Variants in ATP4A observed in about 807,000 individuals in gnomAD.
ATP4A encodes the protein ATPase H+/K+ transporting subunit alpha.
In ATP4A, 73 loss-of-function variants were observed where a neutral mutation model predicts 112.1. That is an observed-to-expected ratio of 0.65 (90% confidence interval 0.54 to 0.79). The LOEUF is 0.79. Among genes scored for constraint, ATP4A ranks in the 30% least tolerant of loss-of-function variants. The pLI, the probability that ATP4A is intolerant of heterozygous loss-of-function variation, is 0.00. For synonymous variants in ATP4A, 588 were observed against 588.9 expected, an observed-to-expected ratio of 1.00 and a Z score of 0.02; for missense variants, 1,081 against 1,425.9, an observed-to-expected ratio of 0.76 and a Z score of 3.90.
At position 35,560,378 on chromosome 19, in the gene ATP4A, T is replaced by C; in HGVS notation, c.772A>G (p.Thr258Ala). 1 of 1,613,732 alleles carries C rather than the reference T, an allele frequency of 6.2e-7. No individual in the cohort carries two copies. The change falls in exon 6 of 22, where the codon ACC (threonine) becomes GCC (alanine). Residue 258 changes from threonine (T) to alanine (A), a missense_variant. Thr to Ala is a moderately conservative substitution (Grantham distance 58, BLOSUM62 0). This residue lies in a region of ATP4A where 850 missense variants were observed against 1,068.2 expected (regional missense o/e 0.80). Transcript: ENST00000262623. The surrounding 1 kb of genome is among the most constrained non-coding windows in gnomAD (Gnocchi z 5.1). ...CTTCACAGACCCTCAAGGCACATGG[T>C]GGAGAAGAAGGCGATGTTGCGGGTC... ...LETRNIAFFS[T>A]MCLEGTVQGL...
At position 35,557,695 on chromosome 19, in the gene ATP4A, G is replaced by A; in HGVS notation, c.1653C>T (p.Thr551=). Residue 551 remains threonine, a synonymous_variant, in exon 11 of 22, where the codon ACC becomes ACT. Transcript: ENST00000262623. This position sits in a 1 kb window ranked among gnomAD's most constrained non-coding sequence, Gnocchi z 4.4. ...CCAGGCCTCCCAGGCTGAGGTAGGC[G>A]GTCTGGAAGGCCTCGCGCCACTGCT... ...LDEQWREAFQ[T]AYLSLGGLGE... 1 of 1,609,126 alleles carries A rather than the reference G, an allele frequency of 6.2e-7. No homozygotes were observed. Among genetic ancestry groups the A allele is most frequent in the Non-Finnish European group, 8.5e-7 (1 of 1,178,372 alleles).
Position 35,557,581 on chromosome 19 carries a change from C to T in ATP4A, c.1693+74G>A. On this transcript the variant is annotated intron_variant, in intron 11 of 21. Coordinates refer to ENST00000262623, the MANE Select transcript of ATP4A (RefSeq NM_000704.3). The surrounding 1 kb of genome is among the most constrained non-coding windows in gnomAD (Gnocchi z 4.4). ...AGGGATGAGGACGGTCAGGGCTGGG[C>T]CGGGAGTGGTGGGCAGGGTCTGTGC... The T allele has an allele frequency of 6.7e-7, 1 of 1,486,500 alleles. No individual in the cohort carries two copies. Among genetic ancestry groups the T allele is most frequent in the South Asian group, 1.3e-5 (1 of 77,604 alleles). The allele number at this position is 1,486,500 out of a possible 1,614,324, so 92.1% of individuals were successfully genotyped here.
chr19:35,559,999 C>A lies in ATP4A; in HGVS notation c.862G>T (p.Val288Leu), dbSNP rs780410935. 3.1e-6 allele frequency: 5 copies of A among 1,614,244 alleles called. No individual in the cohort carries two copies. Among genetic ancestry groups the A allele is most frequent in the Non-Finnish European group, 4.2e-6 (5 of 1,180,044 alleles). ...GCGATGGGTGTCTTCTCGTTTTCCA[C>A]CCCCGACGCCAGCGATGCGATGCGC... ...IGRIASLASG[V>L]ENEKTPIAIE... Residue 288 changes from valine to leucine, a missense_variant, in exon 7 of 22, where the codon GTG (valine) becomes TTG (leucine). Val to Leu is a conservative substitution (Grantham distance 32, BLOSUM62 1). Coordinates refer to ENST00000262623, the MANE Select transcript of ATP4A (RefSeq NM_000704.3). The surrounding 1 kb of genome is among the most constrained non-coding windows in gnomAD (Gnocchi z 4.1).
chr19:35,561,029 TC>T, intron 4 of ATP4A, 97 bp from the exon 5 acceptor site: 1 of 1,019,246 alleles, frequency 9.8e-7, no homozygotes, highest in Non-Finnish European at 1.5e-6. Flanking sequence ...TTCTTGGTTT[TC>T]CCCATGCTTT....
rs2071603084 is a variant in ATP4A at position 35,551,675 on chromosome 19, G to A, written c.2752-95C>T. 6 of 1,486,618 alleles carry A rather than the reference G, an allele frequency of 4.0e-6. No homozygotes were observed. Among genetic ancestry groups the A allele is most frequent in the African/African-American group, 1.4e-5 (1 of 71,934 alleles). 92.1% of individuals were successfully genotyped at this position (1,486,618 alleles called of 1,614,324 possible). A position where few individuals can be genotyped will look rare whatever the true frequency, so the allele number is the denominator to read the frequency against. ...ACCGGGCATAGGGTCCCAGGGCCGT[G>A]AACCCCTAAATGCTCTCTCTGCCTT... On this transcript the variant is annotated intron_variant, in intron 18 of 21. Coordinates refer to ENST00000262623, the MANE Select transcript of ATP4A (RefSeq NM_000704.3). This position sits in a 1 kb window ranked among gnomAD's most constrained non-coding sequence, Gnocchi z 5.2.
Position 35,551,975 on chromosome 19 carries a change from G to A in ATP4A, c.2752-395C>T, listed in dbSNP as rs909604827. Among the ~76,000 whole-genome samples the A allele has an allele frequency of 3.3e-5, 5 of 152,154 alleles. No homozygotes were observed. The highest frequency in any genetic ancestry group is 6.5e-5 in the Admixed American group (1 of 15,276). ...GGCAAAAATAGGTGAGGCAGTCACC[G>A]CGGGCCTTTGGGAAAAGAGGGCAGA... On this transcript the variant is annotated intron_variant, in intron 18 of 21. Coordinates refer to ENST00000262623, the MANE Select transcript of ATP4A (RefSeq NM_000704.3). This position sits in a 1 kb window ranked among gnomAD's most constrained non-coding sequence, Gnocchi z 5.2.
chr19:35,562,586 G>T lies in ATP4A; in HGVS notation c.269C>A (p.Ala90Glu). Residue 90 changes from alanine to glutamate, a missense_variant, in exon 4 of 22, where the codon GCA becomes GAA. Ala to Glu is a moderately radical substitution (Grantham distance 107). Coordinates refer to ENST00000262623, the MANE Select transcript of ATP4A (RefSeq NM_000704.3). The part of the protein sequence containing the change: ...AELLLRDGPN[A>E]LRPPRGTPEY... ...TGGGGTGCCCCGTGGTGGCCGCAGT[G>T]CGTTGGGCCCATCCCGCAGCAGCAG... is the stretch of plus-strand genomic sequence containing the variant. 1.2e-6 allele frequency: 2 copies of T among 1,611,240 alleles called. No homozygotes were observed. The highest frequency in any genetic ancestry group is 8.5e-7 in the Non-Finnish European group (1 of 1,179,054).
At chr19:35,561,887 G>A (rs998209488) in intron 4 of ATP4A, among the ~76,000 whole-genome samples, 1 of 126,230 alleles carries the variant, frequency 7.9e-6, no homozygotes, top group Non-Finnish European at 1.6e-5. Flanking sequence ...ATGCAGTCTC[G>A]CTCTGTCGCC....
Position 35,555,745 on chromosome 19 carries a change from G to A in ATP4A, c.1937C>T (p.Ser646Leu), listed in dbSNP as rs150371575. 1.5e-5 allele frequency: 24 copies of A among 1,613,556 alleles called. No individual in the cohort carries two copies. In the African/African-American group the frequency reaches 2.0e-4, roughly 13 times the overall value. The change falls in exon 13 of 22, where the codon TCG (serine) becomes TTG (leucine). Residue 646 changes from serine to leucine, a missense_variant. Physicochemically the swap from Ser to Leu is moderately radical, Grantham distance 145. Around this residue, in one of 3 missense-constraint regions of ATP4A, gnomAD observed 850 missense variants for 1,068.2 expected, o/e 0.80. Coordinates refer to ENST00000262623, the MANE Select transcript of ATP4A (RefSeq NM_000704.3). The surrounding 1 kb of genome is among the most constrained non-coding windows in gnomAD (Gnocchi z 6.6). Reference protein sequence around the residue: ...KAIAASVGIISEGSETVEDIA... With the variant: ...KAIAASVGIILEGSETVEDIA... The stretch of plus-strand genomic sequence containing the variant: ...GTCCTCCACTGTCTCGCTGCCTTCC[G>A]AGATGATGCCCACACTGGCTGCAAT...
In ATP4A at chr19:35,557,552, A is replaced by C; in HGVS notation, c.1693+103T>G. The C allele has an allele frequency of 7.3e-7, 1 of 1,362,398 alleles. No individual in the cohort carries two copies. Among genetic ancestry groups the C allele is most frequent in the Non-Finnish European group, 9.9e-7 (1 of 1,009,222 alleles). The allele number at this position is 1,362,398 out of a possible 1,614,324, so 84.4% of individuals were successfully genotyped here. A position where few individuals can be genotyped will look rare whatever the true frequency, so the allele number is the denominator to read the frequency against. ...TGTGGACTGCGACAAATCAGCCAGC[A>C]GCCAGGGATGAGGACGGTCAGGGCT... On this transcript the variant is annotated intron_variant, in intron 11 of 21. Coordinates refer to ENST00000262623, the MANE Select transcript of ATP4A (RefSeq NM_000704.3). The surrounding 1 kb of genome is among the most constrained non-coding windows in gnomAD (Gnocchi z 4.4).
intron 4 of ATP4A, among the ~76,000 whole-genome samples, chr19:35,561,576 T>C (rs2071670935): frequency 6.6e-6 from 1 of 152,040 alleles, no homozygotes; most frequent in African/African-American, 2.4e-5. Context: ...GCCATGACTT[T>C]TCGAGCCTCT....
chr19:35,558,905 C>T lies in ATP4A; in HGVS notation c.1255+88G>A. The stretch of plus-strand genomic sequence containing the variant: ...GGAGCCGAGCCGCCCCGCCTTCGTA[C>T]AAAGCCCTCCCTACCTCCCTATCCC... On this transcript the variant is annotated intron_variant, in intron 8 of 21. Coordinates refer to ENST00000262623, the MANE Select transcript of ATP4A (RefSeq NM_000704.3). This position sits in a 1 kb window ranked among gnomAD's most constrained non-coding sequence, Gnocchi z 5.1. The T allele has an allele frequency of 1.3e-6, 2 of 1,528,176 alleles. No individual in the cohort carries two copies. Among genetic ancestry groups the T allele is most frequent in the Non-Finnish European group, 1.8e-6 (2 of 1,115,180 alleles). 94.7% of individuals were successfully genotyped at this position (1,528,176 alleles called of 1,614,324 possible).
chr19:35,555,048 C>T lies in ATP4A; in HGVS notation c.2355G>A (p.Lys785=). 5 of 1,613,862 alleles carry T rather than the reference C, an allele frequency of 3.1e-6. No individual in the cohort carries two copies. The highest frequency in any genetic ancestry group is 4.2e-6 in the Non-Finnish European group (5 of 1,179,838). ...QGRLIFDNLK[K]SIAYTLTKNI... is the part of the protein sequence containing the mutation. ...TCTTGGTCAATGTGTAGGCAATAGACTTCTTCAGGTTGTCGAAGATCAGTC... is the reference window on the plus strand; with the variant it reads ...TCTTGGTCAATGTGTAGGCAATAGATTTCTTCAGGTTGTCGAAGATCAGTC... The change falls in exon 16 of 22, where the codon AAG becomes AAA. Residue 785 remains lysine, a synonymous_variant. Coordinates refer to ENST00000262623, the MANE Select transcript of ATP4A (RefSeq NM_000704.3). This position sits in a 1 kb window ranked among gnomAD's most constrained non-coding sequence, Gnocchi z 6.6.
Position 35,555,789 on chromosome 19 carries a change from G to A in ATP4A, c.1893C>T (p.His631=). 1 of 1,613,102 alleles carries A rather than the reference G, an allele frequency of 6.2e-7. No individual in the cohort carries two copies. Among genetic ancestry groups the A allele is most frequent in the Non-Finnish European group, 8.5e-7 (1 of 1,179,268 alleles). The change falls in exon 13 of 22, where the codon CAC becomes CAT. Residue 631 remains histidine, a synonymous_variant. Coordinates refer to ENST00000262623, the MANE Select transcript of ATP4A (RefSeq NM_000704.3). The surrounding 1 kb of genome is among the most constrained non-coding windows in gnomAD (Gnocchi z 6.6). Reference sequence around the variant, plus strand: ...CTGCAATGGCCTTGGCGGTGATGGGGTGGTCACCCGTTACCATGATCACCT... The same window carrying A: ...CTGCAATGGCCTTGGCGGTGATGGGATGGTCACCCGTTACCATGATCACCT... ...GIRVIMVTGD[H]PITAKAIAAS...
rs530223376 is a variant in ATP4A at position 35,560,335 on chromosome 19, T to G, written c.787+28A>C. ...AGAGGCCAGTGGAGGCAGCAGTTAC[T>G]GGGCAGGCAGGCGGGGGCTTCACAG... On this transcript the variant is annotated intron_variant, in intron 6 of 21. Transcript: ENST00000262623. The surrounding 1 kb of genome is among the most constrained non-coding windows in gnomAD (Gnocchi z 5.1). The G allele has an allele frequency of 1.2e-6, 2 of 1,610,276 alleles. No homozygotes were observed. Among genetic ancestry groups the G allele is most frequent in the African/African-American group, 1.3e-5 (1 of 74,936 alleles).
Position 35,558,723 on chromosome 19 carries a change from G to A in ATP4A, c.1256-37C>T. 6.5e-7 allele frequency: 1 copy of A among 1,542,934 alleles called. No homozygotes were observed. The highest frequency in any genetic ancestry group is 8.7e-7 in the Non-Finnish European group (1 of 1,145,272). On this transcript the variant is annotated intron_variant, in intron 8 of 21. Transcript: ENST00000262623. This position sits in a 1 kb window ranked among gnomAD's most constrained non-coding sequence, Gnocchi z 5.1. The stretch of plus-strand genomic sequence containing the variant: ...GCGTCCAGGCTGGGTCCCGCACGGC[G>A]GCTCTCCCGGACCAGAACCGAGCCC...
At position 35,559,284 on chromosome 19, in the gene ATP4A, C is replaced by T; in HGVS notation, c.1057-93G>A. On this transcript the variant is annotated intron_variant, in intron 7 of 21. Transcript: ENST00000262623. This position sits in a 1 kb window ranked among gnomAD's most constrained non-coding sequence, Gnocchi z 4.1. Reference sequence around the variant, plus strand: ...AGAACGGGGAAGGCTTTACCCCAGCCGCGGGGCTGCGTGTGCAACGTGCTT... The same window carrying T: ...AGAACGGGGAAGGCTTTACCCCAGCTGCGGGGCTGCGTGTGCAACGTGCTT... The T allele has an allele frequency of 7.4e-7, 1 of 1,352,186 alleles. No homozygotes were observed. Among genetic ancestry groups the T allele is most frequent in the Non-Finnish European group, 1.0e-6 (1 of 966,958 alleles). The allele number at this position is 1,352,186 out of a possible 1,614,324, so 83.8% of individuals were successfully genotyped here.
In ATP4A at chr19:35,560,663, G is replaced by A. The variant is rs1312156199; in HGVS notation, c.535-48C>T. The A allele has an allele frequency of 2.3e-6, 2 of 883,956 alleles. No individual in the cohort carries two copies. Among genetic ancestry groups the A allele is most frequent in the South Asian group, 1.3e-5 (1 of 75,652 alleles). The allele number at this position is 883,956 out of a possible 1,614,324, so 54.8% of individuals were successfully genotyped here. On this transcript the variant is annotated intron_variant, in intron 5 of 21. Coordinates refer to ENST00000262623, the MANE Select transcript of ATP4A (RefSeq NM_000704.3). The surrounding 1 kb of genome is among the most constrained non-coding windows in gnomAD (Gnocchi z 5.1). ...TTGAGGTGGACGGGGGTGGGGGTGGGAGCTGCTGCATGTGGGGAGGTAAAG... is the reference window on the plus strand; with the variant it reads ...TTGAGGTGGACGGGGGTGGGGGTGGAAGCTGCTGCATGTGGGGAGGTAAAG...
intron 3 of ATP4A, 79 bp from the exon 4 acceptor site, chr19:35,562,717 G>T: frequency 7.0e-7 from 1 of 1,419,652 alleles, no homozygotes; most frequent in Non-Finnish European, 9.5e-7. Flanking sequence ...CCCTGCTTCA[G>T]TTTCCCTTCT....
Sources: gnomAD v4.1 joint callset for allele counts (sites outside exome capture counted in the v4.1 genomes callset) on GRCh38, gnomAD v4.1.1 for gene constraint, gnomAD v4.1.1 regional missense constraint, Gnocchi (gnomAD v3.1) non-coding constraint, MANE v1.5 for transcripts, NCBI Gene and HGNC (gene_info 2026-07-23, HGNC 2026-07-21) for gene names.